Variants in CNGA1 observed in about 807,000 individuals in gnomAD.
The protein encoded by CNGA1 is cyclic nucleotide-gated channel alpha-1.
In CNGA1, 53 loss-of-function variants were observed where a neutral mutation model predicts 69.7. The observed-to-expected ratio is 0.76, with a 90% CI of 0.61 to 0.96. The LOEUF (loss-of-function observed/expected upper bound fraction) is 0.96, where lower values mean the gene tolerates loss of function less well. Ranked by LOEUF, CNGA1 falls within the 40% of genes least tolerant of loss-of-function variation. The probability of loss-of-function intolerance (pLI) is 0.00; values close to 1 mark genes in which losing one functional copy is unlikely to be tolerated. For missense variants in CNGA1, 739 were observed against 811.2 expected, an observed-to-expected ratio of 0.91 and a Z score of 1.08; for synonymous variants, 249 against 283.5, an observed-to-expected ratio of 0.88 and a Z score of 1.22.
At position 47,973,703 on chromosome 4, in the gene CNGA1, T is replaced by TA. The variant is rs200095836; in HGVS notation, c.-15+7689dup. Reference sequence around the variant, plus strand: ...ACCAACCAGTTAACTTCGGGATGTGTAAAAAAAAAAAGTGCAGAAGAGTAG... The same window carrying TA: ...ACCAACCAGTTAACTTCGGGATGTGTAAAAAAAAAAAAGTGCAGAAGAGTAG... On this transcript the variant is annotated intron_variant, in intron 3 of 10. Transcript: ENST00000514170. Among the ~76,000 whole-genome samples, 1,440 of 144,978 alleles carry TA rather than the reference T, an allele frequency of 9.9e-3. 17 individuals carry two copies. Among genetic ancestry groups the TA allele is most frequent in the African/African-American group, 0.031 (1,255 of 39,852 alleles).
rs1437713487 is a variant in CNGA1, at chr4:47,937,904, T to C, written c.653-75A>G. The C allele has an allele frequency of 4.3e-6, 5 of 1,155,802 alleles. No individual in the cohort carries two copies. In the East Asian group the frequency reaches 9.4e-5, roughly 22 times the overall value. The allele number at this position is 1,155,802 out of a possible 1,614,324, so 71.6% of individuals were successfully genotyped here. A position where few individuals can be genotyped will look rare whatever the true frequency, so the allele number is the denominator to read the frequency against. On this transcript the variant is annotated intron_variant, in intron 10 of 10. Transcript: ENST00000514170. ...GTGAATTTTTGTGAATAACTGTCAA[T>C]TAACTTTGTTGAGGTCAACAGAAAA...
intron 3 of CNGA1, among the ~76,000 whole-genome samples, chr4:47,980,472 CTTT>C (rs5858098): frequency 2.0e-4 from 22 of 112,348 alleles, no homozygotes; most frequent in Non-Finnish European, 3.2e-4. Flanking sequence ...TTCTTTCTTT[CTTT>C]TTTTTTTTTT....
chr4:47,974,641 A>C (rs1488383618), intron 3 of CNGA1, among the ~76,000 whole-genome samples: 3 of 152,206 alleles, frequency 2.0e-5, no homozygotes, highest in Non-Finnish European at 4.4e-5. Context: ...TAAATTTAAA[A>C]TAAACATTTT....
chr4:48,016,622 G>C lies in CNGA1; in HGVS notation c.-362C>G, dbSNP rs966130632. 15 of 545,068 alleles carry C rather than the reference G, an allele frequency of 2.8e-5. No individual in the cohort carries two copies. The Admixed American group carries it at 5.7e-4, about 21-fold the overall frequency. The allele number at this position is 545,068 out of a possible 1,614,324, so 33.8% of individuals were successfully genotyped here. Reference sequence around the variant, plus strand: ...CACCAGTTATCACAGGCCGCTCCCAGGCCTGCGGGGGCCCTGAGAATTCGC... The same window carrying C: ...CACCAGTTATCACAGGCCGCTCCCACGCCTGCGGGGGCCCTGAGAATTCGC... On this transcript the variant is annotated 5_prime_UTR_variant, in exon 1 of 11. Transcript: ENST00000514170.
intron 2 of CNGA1, among the ~76,000 whole-genome samples, chr4:47,986,119 G>T (rs1741968739): frequency 6.6e-6 from 1 of 152,152 alleles, no homozygotes; most frequent in Non-Finnish European, 1.5e-5. Flanking sequence ...TGGCTGCTAA[G>T]TAATTAACTT....
At position 47,949,866 on chromosome 4, in the gene CNGA1, AG is replaced by A. The variant is rs749012133; in HGVS notation, c.253del (p.Leu85PhefsTer4). Reference protein sequence around the residue: ...REQYLPGAIALFNVNNSSNKD... With the variant: ...REQYLPGAIAXFNVNNSSNKD... Reference sequence around the variant, plus strand: ...ATTGCTGCTGTTGTTCACATTAAAAAGTGCAATGGCACCAGGCAGGTACTGC... The same window carrying A: ...ATTGCTGCTGTTGTTCACATTAAAAATGCAATGGCACCAGGCAGGTACTGC... On this transcript the variant is annotated frameshift_variant, in exon 6 of 11. Transcript: ENST00000514170. LOFTEE classifies it high-confidence loss of function. 48 of 1,614,024 alleles carry A rather than the reference AG, an allele frequency of 3.0e-5. No homozygotes were observed. In the East Asian group the frequency reaches 1.0e-3, roughly 34 times the overall value.
At chr4:48,008,440 C>G (rs1354097054) in intron 2 of CNGA1, among the ~76,000 whole-genome samples, 1 of 152,056 alleles carries the variant, frequency 6.6e-6, no homozygotes, top group Non-Finnish European at 1.5e-5. Context: ...TTGTACACAA[C>G]CTTTAAGCTT....
intron 9 of CNGA1, among the ~76,000 whole-genome samples, chr4:47,941,414 CA>C (rs1739068533): frequency 1.3e-5 from 2 of 152,126 alleles, no homozygotes; most frequent in African/African-American, 4.8e-5. Context: ...TATCTGTACC[CA>C]AAACGCTTTA....
intron 2 of CNGA1, among the ~76,000 whole-genome samples, chr4:47,988,696 G>A (rs149813536): frequency 6.6e-6 from 1 of 152,178 alleles, no homozygotes; most frequent in East Asian, 1.9e-4. Flanking sequence ...ATATACAAGT[G>A]TGTTCTTTTC....
At chr4:47,952,474 A>G (rs904722988) in intron 4 of CNGA1, 109 bp downstream of exon 4, 1 of 1,120,200 alleles carries the variant, frequency 8.9e-7, no homozygotes, top group African/African-American at 1.6e-5. Context: ...TGCTAAATAC[A>G]TTACAAAGTT....
chr4:47,970,683 C>T (rs915044072), intron 3 of CNGA1, among the ~76,000 whole-genome samples: 2 of 150,598 alleles, frequency 1.3e-5, no homozygotes, highest in African/African-American at 4.9e-5. Context: ...AAGATTTCAC[C>T]GTTGTCTACT....
intron 10 of CNGA1, among the ~76,000 whole-genome samples, chr4:47,939,625 C>T (rs1316422650): frequency 6.6e-6 from 1 of 152,152 alleles, no homozygotes; most frequent in Non-Finnish European, 1.5e-5. Context: ...GGAGACTGAG[C>T]CCTTAACCTG....
chr4:47,957,582 T>C (rs1740165427), intron 3 of CNGA1, among the ~76,000 whole-genome samples: 2 of 152,108 alleles, frequency 1.3e-5, no homozygotes, highest in Admixed American at 1.3e-4. Flanking sequence ...ATTGTGCCAC[T>C]GCACTCTAGC....
chr4:47,949,929 T>C, intron 5 of CNGA1, 34 bp from the exon 6 acceptor site: 2 of 1,589,448 alleles, frequency 1.3e-6, no homozygotes, highest in African/African-American at 1.3e-5. Context: ...GAAATCACAG[T>C]AGTCACCATC....
intron 3 of CNGA1, chr4:47,971,028 C>A: frequency 2.2e-6 from 1 of 454,594 alleles, no homozygotes; most frequent in South Asian, 1.6e-5. Context: ...TCGCTTGAAT[C>A]TGGGAGGTGA....
At chr4:47,955,143 A>AT (rs1466101470) in intron 3 of CNGA1, among the ~76,000 whole-genome samples, 1 of 143,856 alleles carries the variant, frequency 7.0e-6, no homozygotes, top group African/African-American at 2.6e-5. Flanking sequence ...ATCCAATAAA[A>AT]TTTCTTTTTC....
intron 10 of CNGA1, among the ~76,000 whole-genome samples, chr4:47,940,403 G>T (rs1739003260): frequency 6.6e-6 from 1 of 152,102 alleles, no homozygotes; most frequent in African/African-American, 2.4e-5. Context: ...CTCTGCTGAG[G>T]ACAATGACAT....
At chr4:47,994,530 T>C (rs1742401177) in intron 2 of CNGA1, among the ~76,000 whole-genome samples, 1 of 152,166 alleles carries the variant, frequency 6.6e-6, no homozygotes, top group Non-Finnish European at 1.5e-5. Flanking sequence ...AACGTCTTTT[T>C]CCACCCCTTT....
intron 1 of CNGA1, chr4:48,013,073 A>T (rs938089785): frequency 1.3e-5 from 2 of 152,254 alleles, no homozygotes; most frequent in Non-Finnish European, 2.9e-5. Flanking sequence ...GAAGTTGTAC[A>T]GCAAAATAAA....
Sources: allele counts gnomAD v4.1 joint callset (sites outside exome capture counted in the v4.1 genomes callset), GRCh38; gene constraint gnomAD v4.1.1; transcripts MANE v1.5; gene names NCBI Gene and HGNC (gene_info 2026-07-23, HGNC 2026-07-21).